EFNB2: variants seen among roughly 807,000 people sequenced by gnomAD.
EFNB2 encodes the protein ephrin-B2.
Under a neutral mutation model 32.1 loss-of-function variants are expected in EFNB2, and 5 were observed. The ratio of observed to expected loss-of-function variants is 0.16; its 90% confidence interval spans 0.08 to 0.33. The LOEUF is 0.33. Among genes scored for constraint, EFNB2 ranks in the 10% least tolerant of loss-of-function variants. EFNB2 has a pLI of 1.00. For missense variants in EFNB2, 263 were observed against 422.6 expected (o/e 0.62, Z 3.31); for synonymous variants, 168 against 166.5 (o/e 1.01, Z -0.07).
At chr13:106,495,076 G>T in intron 3 of EFNB2, 82 bp from the exon 4 acceptor site, 1 of 1,029,032 alleles carries the variant, frequency 9.7e-7, no homozygotes, top group Admixed American at 1.7e-5. Context: ...ATTTCAACAG[G>T]CATGAATAGC....
intron 1 of EFNB2, among the ~76,000 whole-genome samples, chr13:106,525,134 A>T (rs1345460822): frequency 6.6e-6 from 1 of 152,236 alleles, no homozygotes; most frequent in African/African-American, 2.4e-5. Flanking sequence ...CTTTAAATAC[A>T]TTAAATGTTG....
At position 106,534,856 on chromosome 13, in the gene EFNB2, A is replaced by T. The variant is rs754224608; in HGVS notation, c.109T>A (p.Ser37Thr). 1.9e-6 allele frequency: 3 copies of T among 1,612,244 alleles called. No individual in the cohort carries two copies. The highest frequency in any genetic ancestry group is 2.2e-5 in the South Asian group (2 of 90,882). ...GACGCCACTTACTTGGAGTTCGAGG[A>T]ATTCCAATAGATAGGCTCTAAAACT... ...SIVLEPIYWNSSNSKFLPGQG... is the reference protein window; with the variant it reads ...SIVLEPIYWNTSNSKFLPGQG... The change falls in exon 1 of 5, where the codon TCC (serine) becomes ACC (threonine). Residue 37 changes from serine to threonine, a missense_variant. This residue lies in a region of EFNB2 where 46 missense variants were observed against 56.9 expected (regional missense o/e 0.81). Transcript: ENST00000646441.
At chr13:106,529,237 T>C (rs1375061788) in intron 1 of EFNB2, among the ~76,000 whole-genome samples, 1 of 152,130 alleles carries the variant, frequency 6.6e-6, no homozygotes, top group Non-Finnish European at 1.5e-5. Context: ...CAGCCCTACC[T>C]ATCCCCTCTG....
intron 1 of EFNB2, among the ~76,000 whole-genome samples, chr13:106,532,831 G>A (rs1320598280): frequency 2.0e-5 from 3 of 151,238 alleles, no homozygotes; most frequent in Non-Finnish European, 3.0e-5. Context: ...ATGGGGGGGG[G>A]GAGTGGTGAG....
chr13:106,493,187 C>T lies in EFNB2; in HGVS notation c.855G>A (p.Glu285=). The T allele has an allele frequency of 1.2e-6, 2 of 1,614,218 alleles. No homozygotes were observed. Among genetic ancestry groups the T allele is most frequent in the Non-Finnish European group, 1.7e-6 (2 of 1,180,036 alleles). The change falls in exon 5 of 5, where the codon GAG becomes GAA. Residue 285 remains glutamate (E), a synonymous_variant. Transcript: ENST00000646441. This position sits in a 1 kb window ranked among gnomAD's most constrained non-coding sequence, Gnocchi z 6.1. ...TTAGCGGGATGATAATGTCACTGGG[C>T]TCTGAGCCGTTGTTGTTGCCGCTGC... ...PKRSGNNNGS[E]PSDIIIPLRT... is the part of the protein sequence containing the mutation.
At chr13:106,497,900 T>C (rs937592826) in intron 2 of EFNB2, among the ~76,000 whole-genome samples, 2 of 152,232 alleles carry the variant, frequency 1.3e-5, no homozygotes, top group African/African-American at 4.8e-5. Context: ...AGAATTTTCC[T>C]ATTTGATTTT....
At chr13:106,499,271 TA>T (rs3215767) in intron 2 of EFNB2, among the ~76,000 whole-genome samples, 25,585 of 147,990 alleles carry the variant, frequency 0.17, 2,846 homozygotes, top group African/African-American at 0.32. Flanking sequence ...GTGACACAGC[TA>T]AAAAAAAAAA....
At chr13:106,503,276 AC>A (rs1441189761) in intron 2 of EFNB2, among the ~76,000 whole-genome samples, 3 of 152,158 alleles carry the variant, frequency 2.0e-5, no homozygotes, top group Non-Finnish European at 4.4e-5. Flanking sequence ...AAAAAACAAA[AC>A]AAAAAAAAAG....
intron 2 of EFNB2, among the ~76,000 whole-genome samples, chr13:106,508,892 A>G (rs1879044633): frequency 1.3e-5 from 2 of 152,354 alleles, no homozygotes; most frequent in South Asian, 4.1e-4. Context: ...TTAAAAATTC[A>G]TATTCACGTC....
At chr13:106,515,007 C>G (rs1879266445) in intron 1 of EFNB2, among the ~76,000 whole-genome samples, 1 of 152,192 alleles carries the variant, frequency 6.6e-6, no homozygotes, top group Admixed American at 6.5e-5. Context: ...CTTCTTCATT[C>G]AAAATGCTCC....
intron 2 of EFNB2, among the ~76,000 whole-genome samples, chr13:106,500,066 G>C (rs1566455862): frequency 6.6e-6 from 1 of 151,934 alleles, no homozygotes; most frequent in Non-Finnish European, 1.5e-5. Flanking sequence ...CTGGTTATCT[G>C]AGTAGGAAAA....
intron 2 of EFNB2, among the ~76,000 whole-genome samples, chr13:106,504,528 T>A (rs1177367807): frequency 6.6e-6 from 1 of 152,200 alleles, no homozygotes. Flanking sequence ...CACATGAACC[T>A]TATTCCGTCC....
chr13:106,507,898 T>C (rs1023303741), intron 2 of EFNB2, among the ~76,000 whole-genome samples: 3 of 152,248 alleles, frequency 2.0e-5, no homozygotes, highest in Non-Finnish European at 4.4e-5. Context: ...AAAAGCCATA[T>C]GAAGCTAAAT....
In EFNB2 at chr13:106,490,512, G is replaced by A. The variant is rs1216030983; in HGVS notation, c.*2528C>T. 1 of 152,080 alleles carries A rather than the reference G, an allele frequency of 6.6e-6. No individual in the cohort carries two copies. Among genetic ancestry groups the A allele is most frequent in the Admixed American group, 6.5e-5 (1 of 15,272 alleles). The allele number at this position is 152,080 out of a possible 1,614,324, so 9.4% of individuals were successfully genotyped here. ...AATTCATCTGATTTTTCACAGTTTA[G>A]CATAGAACCAAAACGTAGCCAACTG... On this transcript the variant is annotated 3_prime_UTR_variant, in exon 5 of 5. Transcript: ENST00000646441.
chr13:106,518,498 C>T lies in EFNB2; in HGVS notation c.123-5686G>A, dbSNP rs1392592813. The T allele has an allele frequency of 5.3e-5, 8 of 152,200 alleles. No homozygotes were observed. Among genetic ancestry groups the T allele is most frequent in the African/African-American group, 9.7e-5 (4 of 41,434 alleles). The allele number at this position is 152,200 out of a possible 1,614,324, so 9.4% of individuals were successfully genotyped here. ...ATACACTGAAAACATAAACCAGCCA[C>T]TTAGAGTTCAGAGGTCACCTCATGT... On this transcript the variant is annotated intron_variant, in intron 1 of 4. Coordinates refer to ENST00000646441, the MANE Select transcript of EFNB2 (RefSeq NM_004093.4). This position sits in a 1 kb window ranked among gnomAD's most constrained non-coding sequence, Gnocchi z 4.1.
In EFNB2 at chr13:106,534,829, C is replaced by T; in HGVS notation, c.122+14G>A. 1 of 1,607,458 alleles carries T rather than the reference C, an allele frequency of 6.2e-7. No individual in the cohort carries two copies. Among genetic ancestry groups the T allele is most frequent in the Non-Finnish European group, 8.5e-7 (1 of 1,176,912 alleles). ...CCGGGGCGGGGACATAGGGGGATCG[C>T]GGACGCCACTTACTTGGAGTTCGAG... On this transcript the variant is annotated intron_variant, in intron 1 of 4. Coordinates refer to ENST00000646441, the MANE Select transcript of EFNB2 (RefSeq NM_004093.4).
intron 1 of EFNB2, among the ~76,000 whole-genome samples, chr13:106,531,349 T>A (rs1879866652): frequency 6.6e-6 from 1 of 152,212 alleles, no homozygotes; most frequent in Non-Finnish European, 1.5e-5. Context: ...CGACAGTCCA[T>A]TACCTACAGT....
intron 2 of EFNB2, among the ~76,000 whole-genome samples, chr13:106,510,453 C>T (rs1228785613): frequency 2.0e-5 from 3 of 152,192 alleles, no homozygotes; most frequent in African/African-American, 7.2e-5. Context: ...AAGCATTCTT[C>T]GTGAAGTCAT....
At chr13:106,528,515 C>A (rs899647232) in intron 1 of EFNB2, among the ~76,000 whole-genome samples, 1 of 151,998 alleles carries the variant, frequency 6.6e-6, no homozygotes, top group East Asian at 1.9e-4. Context: ...GCACTGAATT[C>A]CCCTTTGTAA....
Sources: allele counts gnomAD v4.1 joint callset (sites outside exome capture counted in the v4.1 genomes callset), GRCh38; gene constraint gnomAD v4.1.1; regional missense constraint gnomAD v4.1.1; non-coding constraint Gnocchi (gnomAD v3.1); transcripts MANE v1.5; gene names NCBI Gene and HGNC (gene_info 2026-07-23, HGNC 2026-07-21).